Variants in CLYBL observed in about 807,000 individuals in gnomAD.
CLYBL encodes the protein citramalyl-CoA lyase, mitochondrial.
In CLYBL, 31 loss-of-function variants were observed where a neutral mutation model predicts 38.9. The observed-to-expected ratio is 0.80, with a 90% CI of 0.60 to 1.08. CLYBL has a LOEUF of 1.08. CLYBL is among the 50% of genes least tolerant of loss of function. The pLI is 0.00. For missense variants in CLYBL, 434 were observed against 411.6 expected, an observed-to-expected ratio of 1.05 and a Z score of -0.47; for synonymous variants, 171 against 158.6, an observed-to-expected ratio of 1.08 and a Z score of -0.59.
chr13:99,781,462 A>G (rs1047950609), intron 2 of CLYBL, among the ~76,000 whole-genome samples: 1 of 150,992 alleles, frequency 6.6e-6, no homozygotes, highest in African/African-American at 2.4e-5. Context: ...AAGCCACTGC[A>G]CCCAGCCAAA....
chr13:99,768,195 T>TC (rs1283250671), intron 1 of CLYBL, among the ~76,000 whole-genome samples: 21 of 138,000 alleles, frequency 1.5e-4, no homozygotes, highest in African/African-American at 4.8e-4. Context: ...TCTTTTTCTT[T>TC]TTTTTTTTTT....
At chr13:99,721,803 G>C (rs2048397406) in intron 1 of CLYBL, among the ~76,000 whole-genome samples, 1 of 152,082 alleles carries the variant, frequency 6.6e-6, no homozygotes, top group Admixed American at 6.6e-5. Flanking sequence ...GGCGTGGTAG[G>C]TTAGTTCCTG....
chr13:99,841,583 A>G (rs1358153321), intron 2 of CLYBL, among the ~76,000 whole-genome samples: 5 of 151,934 alleles, frequency 3.3e-5, no homozygotes, highest in South Asian at 2.1e-4. Flanking sequence ...TATTTTTAGT[A>G]GAGATGGGGT....
intron 1 of CLYBL, among the ~76,000 whole-genome samples, chr13:99,609,692 G>C (rs1594080972): frequency 6.6e-6 from 1 of 150,620 alleles, no homozygotes; most frequent in South Asian, 2.1e-4. Context: ...GTGCACCACT[G>C]CACCTGGCTA....
chr13:99,635,832 G>A (rs1273318250), intron 1 of CLYBL, among the ~76,000 whole-genome samples: 7 of 152,140 alleles, frequency 4.6e-5, no homozygotes, highest in Admixed American at 6.5e-5. Flanking sequence ...TCATCTTTAT[G>A]GTGACAATAC....
intron 1 of CLYBL, among the ~76,000 whole-genome samples, chr13:99,624,965 C>T (rs1194950437): frequency 8.5e-5 from 13 of 152,210 alleles, no homozygotes; most frequent in Admixed American, 5.2e-4. Flanking sequence ...CCTTCCCCCA[C>T]CTTCACCTCA....
intron 1 of CLYBL, among the ~76,000 whole-genome samples, chr13:99,653,671 C>CT (rs1331164857): frequency 2.6e-5 from 4 of 151,534 alleles, no homozygotes; most frequent in Non-Finnish European, 4.4e-5. Flanking sequence ...CTAGCTTTTT[C>CT]TTTTTTTTTC....
chr13:99,679,697 G>A (rs1038500332), intron 1 of CLYBL, among the ~76,000 whole-genome samples: 1 of 151,574 alleles, frequency 6.6e-6, no homozygotes, highest in Non-Finnish European at 1.5e-5. Flanking sequence ...CTTTATATAA[G>A]CCATATTTCT....
chr13:99,723,911 G>A (rs986106168), intron 1 of CLYBL, among the ~76,000 whole-genome samples: 2 of 152,098 alleles, frequency 1.3e-5, no homozygotes, highest in African/African-American at 2.4e-5. Context: ...CATCAAGGGC[G>A]GAGAGAAAAG....
chr13:99,728,558 A>G (rs151112335), intron 1 of CLYBL, among the ~76,000 whole-genome samples: 16 of 150,818 alleles, frequency 1.1e-4, no homozygotes, highest in African/African-American at 2.9e-4. Flanking sequence ...GATTACAGGT[A>G]TGAGCCAACT....
intron 2 of CLYBL, among the ~76,000 whole-genome samples, chr13:99,793,353 G>C (rs886369390): frequency 6.6e-6 from 1 of 152,102 alleles, no homozygotes; most frequent in African/African-American, 2.4e-5. Flanking sequence ...AAAGACTTAA[G>C]AGCTCAGGAG....
chr13:99,702,243 A>C (rs970916276), intron 1 of CLYBL, among the ~76,000 whole-genome samples: 3 of 152,116 alleles, frequency 2.0e-5, no homozygotes, highest in African/African-American at 7.2e-5. Flanking sequence ...CAAAATGCTA[A>C]GGTGCTGGGA....
At chr13:99,720,287 G>A (rs970933667) in intron 1 of CLYBL, among the ~76,000 whole-genome samples, 4 of 151,876 alleles carry the variant, frequency 2.6e-5, no homozygotes, top group Admixed American at 6.6e-5. Flanking sequence ...AAAATGCCTC[G>A]GAATATTTTG....
At chr13:99,623,236 C>T (rs916648344) in intron 1 of CLYBL, among the ~76,000 whole-genome samples, 3 of 152,244 alleles carry the variant, frequency 2.0e-5, no homozygotes, top group Non-Finnish European at 2.9e-5. Flanking sequence ...TACAAGCGTT[C>T]TGATTTCTCC....
chr13:99,768,616 A>T (rs2049321704), intron 1 of CLYBL, among the ~76,000 whole-genome samples: 1 of 149,104 alleles, frequency 6.7e-6, no homozygotes, highest in Non-Finnish European at 1.5e-5. Context: ...GGTTCAAGCA[A>T]TTCTTGTGCC....
At chr13:99,801,223 G>T (rs2050130232) in intron 2 of CLYBL, among the ~76,000 whole-genome samples, 1 of 152,190 alleles carries the variant, frequency 6.6e-6, no homozygotes, top group Non-Finnish European at 1.5e-5. Flanking sequence ...AGGAACGTTT[G>T]TTAAAGACTT....
At chr13:99,871,083 T>G (rs1725179565) in intron 7 of CLYBL, 21 bp downstream of exon 7, 2 of 1,612,658 alleles carry the variant, frequency 1.2e-6, no homozygotes, top group Non-Finnish European at 1.7e-6. Flanking sequence ...TGTTAATGCC[T>G]TGGGTGAGAG....
intron 2 of CLYBL, among the ~76,000 whole-genome samples, chr13:99,831,736 G>C (rs1032291786): frequency 1.3e-5 from 1 of 77,846 alleles, no homozygotes; most frequent in Non-Finnish European, 2.6e-5. Flanking sequence ...TTTTTTTTTT[G>C]TAGAAGGAAA....
chr13:99,772,499 C>G (rs146819300), intron 1 of CLYBL, among the ~76,000 whole-genome samples: 67 of 152,150 alleles, frequency 4.4e-4, no homozygotes, highest in African/African-American at 1.5e-3. Flanking sequence ...GAGTTCAAGA[C>G]CAGCCTGGGC....
Sources: allele counts gnomAD v4.1 joint callset (sites outside exome capture counted in the v4.1 genomes callset), GRCh38; gene constraint gnomAD v4.1.1; transcripts MANE v1.5; gene names NCBI Gene and HGNC (gene_info 2026-07-23, HGNC 2026-07-21).